Variants in NLGN1 observed in about 807,000 individuals in gnomAD.
NLGN1 encodes neuroligin-1.
A neutral mutation model predicts 65.5 loss-of-function variants in NLGN1; 12 were observed. The ratio of observed to expected loss-of-function variants is 0.18; its 90% CI spans 0.12 to 0.30. The LOEUF is 0.30. Ranked by LOEUF, NLGN1 falls within the 10% of genes least tolerant of loss-of-function variation. The pLI is 1.00. For synonymous variants in NLGN1, 350 were observed against 359.5 expected, an observed-to-expected ratio of 0.97 and a Z score of 0.30; for missense variants, 750 against 1,007.1, an observed-to-expected ratio of 0.74 and a Z score of 3.46.
chr3:173,735,255 T>C (rs1407200628), intron 3 of NLGN1, among the ~76,000 whole-genome samples: 1 of 152,170 alleles, frequency 6.6e-6, no homozygotes, highest in African/African-American at 2.4e-5. Flanking sequence ...TCTAGCAATA[T>C]TTAGTCCAAA....
rs1050946666 is a variant in NLGN1 at position 173,942,109 on chromosome 3, GGTGT to G, written c.646+134306_646+134309del. On this transcript the variant is annotated intron_variant, in intron 4 of 6. Coordinates refer to ENST00000457714, the Ensembl canonical transcript of NLGN1. ...ATGGTCAGGAATATTGGTGGTTGGG[GGTGT>G]GTGTGTGTGTGTGTGTGTGTGTGTG... is the stretch of plus-strand genomic sequence containing the variant. Among the ~76,000 whole-genome samples the G allele has an allele frequency of 5.0e-3, 727 of 144,092 alleles. 3 individuals carry two copies. Among genetic ancestry groups the G allele is most frequent in the Admixed American group, 6.9e-3 (99 of 14,298 alleles). The allele number at this position is 144,092 out of a possible 152,430, so 94.5% of individuals were successfully genotyped here.
chr3:174,254,306 ATTTTTTTTTTTT>A (rs371427726), intron 4 of NLGN1, among the ~76,000 whole-genome samples: 1 of 113,756 alleles, frequency 8.8e-6, no homozygotes, highest in African/African-American at 3.5e-5. Context: ...GTCCTTTTTA[ATTTTTTTTTTTT>A]TTTTTTTTTT....
intron 3 of NLGN1, among the ~76,000 whole-genome samples, chr3:173,728,547 C>T (rs1772229070): frequency 6.6e-6 from 1 of 151,972 alleles, no homozygotes; most frequent in Non-Finnish European, 1.5e-5. Context: ...AACCCCACAC[C>T]TCAAAATGTG....
intron 3 of NLGN1, among the ~76,000 whole-genome samples, chr3:173,620,343 C>T (rs988049126): frequency 2.6e-5 from 4 of 152,090 alleles, no homozygotes; most frequent in East Asian, 1.9e-4. Flanking sequence ...GGTGGCAAGA[C>T]TGTGGAAATA....
intron 4 of NLGN1, among the ~76,000 whole-genome samples, chr3:174,137,677 A>G (rs980675751): frequency 1.3e-5 from 2 of 152,198 alleles, no homozygotes; most frequent in African/African-American, 4.8e-5. Flanking sequence ...GTAAATATGC[A>G]TAATGAATCA....
chr3:174,160,124 T>C (rs986842396), intron 4 of NLGN1, among the ~76,000 whole-genome samples: 1 of 151,574 alleles, frequency 6.6e-6, no homozygotes, highest in African/African-American at 2.4e-5. Context: ...ACACATGCTC[T>C]ATAAACAGAA....
chr3:173,502,225 T>A (rs1045115722), intron 2 of NLGN1, among the ~76,000 whole-genome samples: 6 of 152,124 alleles, frequency 3.9e-5, no homozygotes, highest in Non-Finnish European at 7.4e-5. Flanking sequence ...GATTATTAAT[T>A]TTTTGGCCAT....
chr3:174,236,267 A>G (rs1204762344), intron 4 of NLGN1, among the ~76,000 whole-genome samples: 2 of 152,138 alleles, frequency 1.3e-5, no homozygotes, highest in Admixed American at 6.5e-5. Context: ...TCCAAAAAAC[A>G]TGTAATTCAA....
chr3:174,076,092 T>G (rs2152541097), intron 4 of NLGN1, among the ~76,000 whole-genome samples: 1 of 152,264 alleles, frequency 6.6e-6, no homozygotes, highest in Non-Finnish European at 1.5e-5. Flanking sequence ...CAAATATATG[T>G]GATATTCTGT....
At chr3:173,631,858 TATTC>T (rs930620279) in intron 3 of NLGN1, among the ~76,000 whole-genome samples, 1 of 152,124 alleles carries the variant, frequency 6.6e-6, no homozygotes, top group South Asian at 2.1e-4. Context: ...GGGTGAAAAT[TATTC>T]AATCATATTT....
chr3:174,274,162 G>A (rs1011418748), intron 4 of NLGN1, among the ~76,000 whole-genome samples: 1 of 150,794 alleles, frequency 6.6e-6, no homozygotes, highest in Admixed American at 6.6e-5. Flanking sequence ...ATATCTAATA[G>A]GACTCTAAAT....
At chr3:173,457,193 A>C (rs1421190758) in intron 2 of NLGN1, among the ~76,000 whole-genome samples, 2 of 152,032 alleles carry the variant, frequency 1.3e-5, no homozygotes, top group African/African-American at 4.8e-5. Context: ...TATCATCACC[A>C]TTATCATTAT....
chr3:173,811,859 A>G (rs1032772357), intron 4 of NLGN1, among the ~76,000 whole-genome samples: 2 of 152,186 alleles, frequency 1.3e-5, no homozygotes, highest in African/African-American at 4.8e-5. Flanking sequence ...TATCATTAAA[A>G]TGTTCCAACC....
At chr3:173,475,516 A>G (rs1726047887) in intron 2 of NLGN1, among the ~76,000 whole-genome samples, 1 of 152,152 alleles carries the variant, frequency 6.6e-6, no homozygotes, top group African/African-American at 2.4e-5. Context: ...GCTTGCCAAA[A>G]CTTCAGCATC....
At chr3:173,591,594 G>A (rs1161658677) in intron 2 of NLGN1, among the ~76,000 whole-genome samples, 1 of 152,096 alleles carries the variant, frequency 6.6e-6, no homozygotes, top group Non-Finnish European at 1.5e-5. Flanking sequence ...CATCCTCCAA[G>A]GGGTCAAGAT....
intron 4 of NLGN1, among the ~76,000 whole-genome samples, chr3:174,210,521 A>G (rs531070023): frequency 3.9e-4 from 59 of 152,234 alleles, no homozygotes; most frequent in Non-Finnish European, 7.9e-4. Context: ...CACGATGACT[A>G]GATTTTCTGA....
At chr3:173,481,585 A>G (rs992872781) in intron 2 of NLGN1, among the ~76,000 whole-genome samples, 3 of 151,934 alleles carry the variant, frequency 2.0e-5, no homozygotes, top group Non-Finnish European at 4.4e-5. Context: ...ATATGAATGT[A>G]TCATATGCTA....
At chr3:173,736,432 T>C (rs1421793212) in intron 3 of NLGN1, among the ~76,000 whole-genome samples, 1 of 152,072 alleles carries the variant, frequency 6.6e-6, no homozygotes, top group Non-Finnish European at 1.5e-5. Context: ...CAGGGGAATA[T>C]GCTTTACAGA....
intron 4 of NLGN1, among the ~76,000 whole-genome samples, chr3:174,272,823 C>G (rs1389494311): frequency 2.6e-5 from 4 of 151,510 alleles, no homozygotes; most frequent in African/African-American, 7.3e-5. Flanking sequence ...ACTGAGTAAT[C>G]TTGGACGTTT....
Sources: allele counts gnomAD v4.1 joint callset (sites outside exome capture counted in the v4.1 genomes callset), GRCh38; gene constraint gnomAD v4.1.1; transcripts MANE v1.5; gene names NCBI Gene and HGNC (gene_info 2026-07-23, HGNC 2026-07-21).